VPS8: variants seen among roughly 807,000 people sequenced by gnomAD.
VPS8 encodes the protein vacuolar protein sorting-associated protein 8 homolog.
In VPS8, 129 loss-of-function variants were observed where a neutral mutation model predicts 216.4. That is an observed-to-expected ratio of 0.60 (90% CI 0.52 to 0.69). The LOEUF is 0.69. Ranked by LOEUF, VPS8 falls within the 30% of genes least tolerant of loss-of-function variation. The pLI is 0.00. For synonymous variants in VPS8, 571 were observed against 565.4 expected (o/e 1.01, Z -0.14); for missense variants, 1,531 against 1,683.5 (o/e 0.91, Z 1.59).
rs1372936202 is a variant in VPS8 at position 184,863,627 on chromosome 3, A to G, written c.1395+560A>G. Among the ~76,000 whole-genome samples the G allele has an allele frequency of 4.6e-5, 7 of 152,330 alleles. 1 individual carries two copies. The South Asian group carries it at 1.2e-3, about 27-fold the overall frequency. Reference sequence around the variant, plus strand: ...GAGGACGCAACAAAGTTATGGCCTTAGCATTAATTTTATTGTATCATTAAG... The same window carrying G: ...GAGGACGCAACAAAGTTATGGCCTTGGCATTAATTTTATTGTATCATTAAG... On this transcript the variant is annotated intron_variant, in intron 16 of 47. Coordinates refer to ENST00000625842, the MANE Select transcript of VPS8 (RefSeq NM_001009921.3).
chr3:184,930,688 C>G (rs775352596), intron 34 of VPS8, 120 bp downstream of exon 34: 6 of 680,138 alleles, frequency 8.8e-6, no homozygotes, highest in Non-Finnish European at 1.3e-5. Context: ...GGGTTGAAAT[C>G]TTTTTCGTGT....
At chr3:184,842,592 C>T (rs1041260317) in intron 7 of VPS8, among the ~76,000 whole-genome samples, 1 of 152,122 alleles carries the variant, frequency 6.6e-6, no homozygotes, top group East Asian at 1.9e-4. Context: ...GCTTGAAAGC[C>T]TGGCAACAAA....
chr3:184,890,441 A>G (rs1732131438), intron 22 of VPS8, among the ~76,000 whole-genome samples: 1 of 151,940 alleles, frequency 6.6e-6, no homozygotes, highest in East Asian at 1.9e-4. Context: ...CAGTCCTTTT[A>G]TTTTCACATA....
At chr3:184,855,417 T>C (rs900209946) in intron 13 of VPS8, among the ~76,000 whole-genome samples, 2 of 152,226 alleles carry the variant, frequency 1.3e-5, no homozygotes, top group African/African-American at 4.8e-5. Flanking sequence ...TTTAGGTTTT[T>C]CCTTTGGTGT....
At chr3:184,966,283 A>G (rs538351668) in intron 38 of VPS8, among the ~76,000 whole-genome samples, 2 of 152,328 alleles carry the variant, frequency 1.3e-5, no homozygotes, top group East Asian at 3.9e-4. Context: ...GCCATTCGTG[A>G]CAGATCCACT....
At chr3:184,956,127 G>A (rs1175184640) in intron 36 of VPS8, among the ~76,000 whole-genome samples, 1 of 152,156 alleles carries the variant, frequency 6.6e-6, no homozygotes, top group Admixed American at 6.5e-5. Flanking sequence ...TAGGGAAAAT[G>A]CCCTGTGTCT....
chr3:184,818,143 GGGAA>G (rs1378641080), intron 1 of VPS8, among the ~76,000 whole-genome samples: 3 of 152,174 alleles, frequency 2.0e-5, no homozygotes, highest in Admixed American at 6.5e-5. Flanking sequence ...TCAATTGTAA[GGGAA>G]GGAGGCAGAA....
At position 184,824,728 on chromosome 3, in the gene VPS8, A is replaced by G; in HGVS notation, c.96A>G (p.Ser32=). 1 of 1,613,826 alleles carries G rather than the reference A, an allele frequency of 6.2e-7. No individual in the cohort carries two copies. The highest frequency in any genetic ancestry group is 8.5e-7 in the Non-Finnish European group (1 of 1,179,822). Reference sequence around the variant, plus strand: ...ATAAGTCTTTCAATCTAGAAGCTTCACTTTCAAAATTCTCTTACATAGATA... The same window carrying G: ...ATAAGTCTTTCAATCTAGAAGCTTCGCTTTCAAAATTCTCTTACATAGATA... ...ELNKSFNLEA[S]LSKFSYIDMD... The change falls in exon 2 of 48, where the codon TCA becomes TCG. Residue 32 remains serine (S), a synonymous_variant. Coordinates refer to ENST00000625842, the MANE Select transcript of VPS8 (RefSeq NM_001009921.3).
intron 36 of VPS8, among the ~76,000 whole-genome samples, chr3:184,942,375 C>T (rs1742876520): frequency 6.6e-6 from 1 of 152,168 alleles, no homozygotes; most frequent in Non-Finnish European, 1.5e-5. Flanking sequence ...AATTACCTCT[C>T]ACACATTATT....
At chr3:184,865,251 A>G (rs1727120824) in intron 16 of VPS8, among the ~76,000 whole-genome samples, 1 of 152,240 alleles carries the variant, frequency 6.6e-6, no homozygotes, top group African/African-American at 2.4e-5. Context: ...CTAATGGTCA[A>G]AAACTTTTCT....
At chr3:184,934,288 A>G (rs991877391) in intron 34 of VPS8, among the ~76,000 whole-genome samples, 2 of 152,032 alleles carry the variant, frequency 1.3e-5, no homozygotes, top group South Asian at 4.2e-4. Context: ...CTCCCTCCTC[A>G]TCCTCCCTAA....
chr3:184,999,908 A>G (rs1753170208), intron 45 of VPS8, 47 bp downstream of exon 45: 4 of 1,555,086 alleles, frequency 2.6e-6, no homozygotes, highest in African/African-American at 1.4e-5. Flanking sequence ...TTTCTTACCA[A>G]TGTCATTTGG....
At chr3:184,994,171 G>A in intron 43 of VPS8, 108 bp downstream of exon 43, 1 of 767,482 alleles carries the variant, frequency 1.3e-6, no homozygotes, top group Non-Finnish European at 2.0e-6. Flanking sequence ...TTTACTGGCA[G>A]TTAGGTAGAC....
At chr3:184,942,937 A>G (rs1743002199) in intron 36 of VPS8, among the ~76,000 whole-genome samples, 1 of 152,160 alleles carries the variant, frequency 6.6e-6, no homozygotes, top group Non-Finnish European at 1.5e-5. Context: ...GAGGGAGTAA[A>G]GAAAAAAGAG....
At chr3:185,033,832 T>C (rs1465727195) in intron 46 of VPS8, among the ~76,000 whole-genome samples, 2 of 152,260 alleles carry the variant, frequency 1.3e-5, no homozygotes, top group African/African-American at 2.4e-5. Flanking sequence ...CTAATAGGTA[T>C]GTAATGGTAT....
At chr3:184,861,955 C>G in intron 15 of VPS8, among the ~76,000 whole-genome samples, 1 of 152,120 alleles carries the variant, frequency 6.6e-6, no homozygotes, top group East Asian at 1.9e-4. Flanking sequence ...ATATCAAACT[C>G]CCTGTTTTCT....
intron 28 of VPS8, among the ~76,000 whole-genome samples, chr3:184,919,328 T>C (rs1738197071): frequency 6.6e-6 from 1 of 152,234 alleles, no homozygotes; most frequent in Admixed American, 6.5e-5. Flanking sequence ...CAGAATCAAA[T>C]GAACTAAGTG....
rs1308964930 is a variant in VPS8, at chr3:184,852,509, G to A, written c.763G>A (p.Asp255Asn). ...TTCCTTCTCTGTTTAGTTTACAGAT[G>A]ATCCAACTCTTGCAATTTGCAACGA... ...TAILHIKFTD[D>N]PTLAICNDSG... Residue 255 changes from aspartate to asparagine, a missense_variant, in exon 11 of 48, where the codon GAT (aspartate) becomes AAT (asparagine). By Grantham distance (23) the Asp-to-Asn change is conservative. Transcript: ENST00000625842. The A allele has an allele frequency of 6.2e-7, 1 of 1,613,448 alleles. No homozygotes were observed. Among genetic ancestry groups the A allele is most frequent in the Non-Finnish European group, 8.5e-7 (1 of 1,179,642 alleles).
At chr3:184,905,972 A>G (rs1458315231) in intron 25 of VPS8, among the ~76,000 whole-genome samples, 3 of 152,116 alleles carry the variant, frequency 2.0e-5, no homozygotes, top group African/African-American at 7.2e-5. Flanking sequence ...GTTTAGCACA[A>G]TATATGTATC....
Sources: gnomAD v4.1 joint callset for allele counts (sites outside exome capture counted in the v4.1 genomes callset) on GRCh38, gnomAD v4.1.1 for gene constraint, MANE v1.5 for transcripts, NCBI Gene and HGNC (gene_info 2026-07-23, HGNC 2026-07-21) for gene names.